Variants in TACR3 observed in about 807,000 individuals in gnomAD.
TACR3 encodes neuromedin-K receptor.
A neutral mutation model predicts 35.0 loss-of-function variants in TACR3; 34 were observed. The ratio of observed to expected loss-of-function variants is 0.97; its 90% CI spans 0.74 to 1.30. The LOEUF (loss-of-function observed/expected upper bound fraction) is 1.30, where lower values mean the gene tolerates loss of function less well. TACR3 is among the 50% of genes most tolerant of loss of function. The pLI, the probability that TACR3 is intolerant of heterozygous loss-of-function variation, is 0.00. For synonymous variants in TACR3, 233 were observed against 221.1 expected, an observed-to-expected ratio of 1.05 and a Z score of -0.48; for missense variants, 558 against 591.7, an observed-to-expected ratio of 0.94 and a Z score of 0.59.
chr4:103,634,101 T>A (rs1032434328), intron 3 of TACR3, among the ~76,000 whole-genome samples: 2 of 152,096 alleles, frequency 1.3e-5, no homozygotes, highest in Non-Finnish European at 2.9e-5. Context: ...GCATTAACCC[T>A]TTTACTTTTG....
chr4:103,650,620 ATAT>A (rs1725574018), intron 3 of TACR3, among the ~76,000 whole-genome samples: 2 of 90,616 alleles, frequency 2.2e-5, no homozygotes, highest in Non-Finnish European at 1.9e-5. Context: ...TAAATATATT[ATAT>A]ATAAATATAT....
chr4:103,680,621 T>C (rs1722036907), intron 1 of TACR3, among the ~76,000 whole-genome samples: 1 of 151,266 alleles, frequency 6.6e-6, no homozygotes, highest in Non-Finnish European at 1.5e-5. Context: ...ATATACAGAA[T>C]ATTTTCTCAT....
chr4:103,632,174 TAGGAG>T (rs1426575794), intron 3 of TACR3, among the ~76,000 whole-genome samples: 2 of 152,076 alleles, frequency 1.3e-5, no homozygotes, highest in East Asian at 3.9e-4. Context: ...GCATTCGTCT[TAGGAG>T]AGGGAAAAGA....
intron 3 of TACR3, among the ~76,000 whole-genome samples, chr4:103,634,752 T>A (rs1389186929): frequency 6.6e-6 from 1 of 152,100 alleles, no homozygotes; most frequent in Non-Finnish European, 1.5e-5. Flanking sequence ...AAACAGAACT[T>A]TTTCACTTCC....
intron 3 of TACR3, among the ~76,000 whole-genome samples, chr4:103,640,052 A>C (rs1171490031): frequency 6.6e-6 from 1 of 152,012 alleles, no homozygotes; most frequent in African/African-American, 2.4e-5. Flanking sequence ...TAGGAACTAG[A>C]GACTTTGACA....
chr4:103,637,763 C>A (rs1052295473), intron 3 of TACR3, among the ~76,000 whole-genome samples: 2 of 152,076 alleles, frequency 1.3e-5, no homozygotes, highest in Non-Finnish European at 2.9e-5. Context: ...AATCAATGTG[C>A]AAAAATCACA....
intron 4 of TACR3, 51 bp from the exon 5 acceptor site, chr4:103,590,045 T>A: frequency 6.4e-7 from 1 of 1,569,508 alleles, no homozygotes. Flanking sequence ...CAAGCAGATA[T>A]GTCTTTCAGC....
rs889166163 is a variant in TACR3, at chr4:103,589,821, G to A, written c.1259C>T (p.Thr420Ile). The A allele has an allele frequency of 6.2e-7, 1 of 1,613,936 alleles. No homozygotes were observed. The highest frequency in any genetic ancestry group is 1.3e-5 in the African/African-American group (1 of 75,000). ...TCTTTTCTTCCGACTGGACCTGGTG[G>A]TGTCTGCATCGTTGGGGTCAAACAC... ...TVVFDPNDADTTRSSRKKRAT... is the reference protein window; with the variant it reads ...TVVFDPNDADITRSSRKKRAT... Residue 420 changes from threonine (T) to isoleucine (I), a missense_variant, in exon 5 of 5, where the codon ACC becomes ATC. Coordinates refer to ENST00000304883, the MANE Select transcript of TACR3 (RefSeq NM_001059.3).
intron 3 of TACR3, among the ~76,000 whole-genome samples, chr4:103,630,126 T>G (rs892752319): frequency 6.6e-6 from 1 of 152,194 alleles, no homozygotes; most frequent in African/African-American, 2.4e-5. Context: ...CTGGGGAAAC[T>G]GGCTGCCCTA....
At chr4:103,600,385 T>A (rs532184320) in intron 3 of TACR3, among the ~76,000 whole-genome samples, 1 of 152,006 alleles carries the variant, frequency 6.6e-6, no homozygotes, top group South Asian at 2.1e-4. Flanking sequence ...TATCAATCAA[T>A]TTTGTTGCTC....
chr4:103,601,574 A>G (rs1724202548), intron 3 of TACR3, among the ~76,000 whole-genome samples: 1 of 152,152 alleles, frequency 6.6e-6, no homozygotes, highest in South Asian at 2.1e-4. Context: ...CTTTTAGGGC[A>G]GGCCTGGTGG....
At chr4:103,591,733 C>T in intron 3 of TACR3, 50 bp from the exon 4 acceptor site, 1 of 1,511,058 alleles carries the variant, frequency 6.6e-7, no homozygotes, top group Non-Finnish European at 9.0e-7. Flanking sequence ...CATAATAGTT[C>T]CAATAGCTTA....
At chr4:103,636,732 G>A (rs955310618) in intron 3 of TACR3, among the ~76,000 whole-genome samples, 9 of 151,766 alleles carry the variant, frequency 5.9e-5, no homozygotes, top group East Asian at 3.9e-4. Flanking sequence ...TCAAATAGAC[G>A]CAATAAAAAA....
intron 2 of TACR3, among the ~76,000 whole-genome samples, chr4:103,656,603 A>G (rs1434914225): frequency 6.6e-6 from 1 of 152,102 alleles, no homozygotes; most frequent in Non-Finnish European, 1.5e-5. Flanking sequence ...GTTAAACATA[A>G]GTTCTCCTTG....
chr4:103,631,922 C>T (rs906083641), intron 3 of TACR3, among the ~76,000 whole-genome samples: 6 of 152,148 alleles, frequency 3.9e-5, no homozygotes, highest in Admixed American at 6.6e-5. Context: ...TTCAATTCAA[C>T]CTATTTTTGA....
intron 3 of TACR3, among the ~76,000 whole-genome samples, chr4:103,595,475 C>G (rs551056969): frequency 3.9e-5 from 6 of 152,234 alleles, no homozygotes; most frequent in African/African-American, 1.4e-4. Context: ...ACTGCATGTC[C>G]TCATATATTA....
intron 3 of TACR3, among the ~76,000 whole-genome samples, chr4:103,648,027 G>T (rs1337753889): frequency 6.6e-6 from 1 of 151,948 alleles, no homozygotes; most frequent in African/African-American, 2.4e-5. Flanking sequence ...AAAGTAGTGG[G>T]AGAAAGAGAA....
chr4:103,706,113 T>C (rs147198712), intron 1 of TACR3, among the ~76,000 whole-genome samples: 192 of 152,182 alleles, frequency 1.3e-3, no homozygotes, highest in Admixed American at 2.6e-3. Flanking sequence ...GTAATAGATT[T>C]GTGAGTTATT....
intron 1 of TACR3, among the ~76,000 whole-genome samples, chr4:103,702,766 C>G (rs961704599): frequency 6.6e-6 from 1 of 151,758 alleles, no homozygotes; most frequent in African/African-American, 2.4e-5. Flanking sequence ...ATGGATGAAG[C>G]TGGAAACCAT....
Sources: allele counts gnomAD v4.1 joint callset (sites outside exome capture counted in the v4.1 genomes callset), GRCh38; gene constraint gnomAD v4.1.1; transcripts MANE v1.5; gene names NCBI Gene and HGNC (gene_info 2026-07-23, HGNC 2026-07-21).